LYPLA1: variants seen among roughly 807,000 people sequenced by gnomAD.
The protein encoded by LYPLA1 is lysophospholipase 1, also known as acyl-protein thioesterase 1.
Under a neutral mutation model 34.0 loss-of-function variants are expected in LYPLA1, and 17 were observed. The observed-to-expected ratio is 0.50, with a 90% CI of 0.34 to 0.75. The LOEUF (loss-of-function observed/expected upper bound fraction) is 0.75. LYPLA1 is among the 30% of genes least tolerant of loss of function. The pLI is 0.01. For missense variants in LYPLA1, 203 were observed against 288.8 expected (o/e 0.70, Z 2.15); for synonymous variants, 98 against 100.8 (o/e 0.97, Z 0.17).
At chr8:54,101,527 C>T in intron 1 of LYPLA1, 21 of 1,140,240 alleles carry the variant, frequency 1.8e-5, no homozygotes, top group Non-Finnish European at 2.3e-5. Context: ...CACACTTCCT[C>T]CGCAATGCAG....
At chr8:54,067,085 G>A (rs936148034) in intron 2 of LYPLA1, among the ~76,000 whole-genome samples, 5 of 151,810 alleles carry the variant, frequency 3.3e-5, no homozygotes, top group Non-Finnish European at 5.9e-5. Flanking sequence ...CAGGAGAATC[G>A]CTTGAACCAG....
At chr8:54,078,104 C>T (rs1808040089) in intron 2 of LYPLA1, among the ~76,000 whole-genome samples, 1 of 151,986 alleles carries the variant, frequency 6.6e-6, no homozygotes, top group Non-Finnish European at 1.5e-5. Context: ...GCGTGCACCA[C>T]CACGCCCTGC....
At chr8:54,061,350 G>C (rs1806621395) in intron 5 of LYPLA1, among the ~76,000 whole-genome samples, 1 of 152,146 alleles carries the variant, frequency 6.6e-6, no homozygotes, top group African/African-American at 2.4e-5. Context: ...CAAAGTGCTG[G>C]GATTAAAGGC....
chr8:54,087,951 T>A (rs1327606915), intron 2 of LYPLA1, among the ~76,000 whole-genome samples: 1 of 152,236 alleles, frequency 6.6e-6, no homozygotes, highest in Non-Finnish European at 1.5e-5. Flanking sequence ...TGGTTTCCAT[T>A]GGCTGGAACG....
intron 3 of LYPLA1, 79 bp from the exon 4 acceptor site, chr8:54,063,454 AAT>A: frequency 1.1e-6 from 1 of 881,866 alleles, no homozygotes; most frequent in Non-Finnish European, 1.8e-6. Flanking sequence ...AAAAACAGAT[AAT>A]TGCTTGAGAC....
At chr8:54,077,030 A>ACATG (rs1807959492) in intron 2 of LYPLA1, among the ~76,000 whole-genome samples, 1 of 152,172 alleles carries the variant, frequency 6.6e-6, no homozygotes, top group African/African-American at 2.4e-5. Flanking sequence ...CCATAAAGAC[A>ACATG]CATGCATACT....
chr8:54,044,726 G>A (rs1805439442), downstream of LYPLA1: 1 of 152,134 alleles, frequency 6.6e-6, no homozygotes, highest in Non-Finnish European at 1.5e-5. Flanking sequence ...TTGAGCCAAG[G>A]AGTTCGAGAC....
chr8:54,073,088 G>A (rs1450976099), intron 2 of LYPLA1: 14 of 620,688 alleles, frequency 2.3e-5, no homozygotes, highest in Admixed American at 2.3e-5. Context: ...AAAAAAGGTC[G>A]TTAAGGGTTG....
intron 2 of LYPLA1, chr8:54,100,496 C>G (rs1810037977): frequency 5.0e-6 from 1 of 199,568 alleles, no homozygotes; most frequent in Admixed American, 6.3e-5. Flanking sequence ...CATCTAATCC[C>G]TCTATTCAGA....
intron 2 of LYPLA1, among the ~76,000 whole-genome samples, chr8:54,082,883 C>G (rs1052348530): frequency 6.6e-6 from 1 of 152,120 alleles, no homozygotes; most frequent in Admixed American, 6.6e-5. Context: ...CCCGCCACTA[C>G]GCCTGGCTAA....
At chr8:54,098,658 G>A (rs1809873078) in intron 2 of LYPLA1, among the ~76,000 whole-genome samples, 1 of 152,208 alleles carries the variant, frequency 6.6e-6, no homozygotes. Context: ...TCCAGCCTGG[G>A]TGACAGAGTG....
At chr8:54,081,070 A>G (rs1301281241) in intron 2 of LYPLA1, among the ~76,000 whole-genome samples, 1 of 152,218 alleles carries the variant, frequency 6.6e-6, no homozygotes, top group Non-Finnish European at 1.5e-5. Context: ...CAACAGCTTT[A>G]AGGTATGGAC....
At chr8:54,066,820 T>G (rs1219350817) in intron 2 of LYPLA1, among the ~76,000 whole-genome samples, 1 of 150,326 alleles carries the variant, frequency 6.7e-6, no homozygotes, top group Non-Finnish European at 1.5e-5. Context: ...GAAAAAAGCC[T>G]CAGATAAATA....
chr8:54,065,726 C>A (rs1439554468), intron 3 of LYPLA1, 22 bp downstream of exon 3: 1 of 1,603,488 alleles, frequency 6.2e-7, no homozygotes, highest in Non-Finnish European at 8.5e-7. Flanking sequence ...GAATCACAAG[C>A]CTGAAGATCA....
At chr8:54,069,383 T>C (rs1194534997) in intron 2 of LYPLA1, among the ~76,000 whole-genome samples, 1 of 152,064 alleles carries the variant, frequency 6.6e-6, no homozygotes, top group African/African-American at 2.4e-5. Context: ...AACAATTATG[T>C]ATCAACTAAA....
In LYPLA1 at chr8:54,095,887, T is replaced by A. The variant is rs1586184399; in HGVS notation, c.101+5021A>T. Among the ~76,000 whole-genome samples the A allele has an allele frequency of 2.0e-5, 3 of 152,206 alleles. No individual in the cohort carries two copies. The South Asian group carries it at 6.2e-4, about 32-fold the overall frequency. On this transcript the variant is annotated intron_variant, in intron 2 of 8. Transcript: ENST00000316963. ...TACCCGGCCTGTATTCTTGACAAAG[T>A]GTCAAGGTCATGAAAGACAAGGACT...
chr8:54,076,031 G>A (rs1192258165), intron 2 of LYPLA1, among the ~76,000 whole-genome samples: 1 of 152,098 alleles, frequency 6.6e-6, no homozygotes, highest in Admixed American at 6.6e-5. Context: ...TGGTAGAAAT[G>A]ATAAGAAGTA....
At chr8:54,101,529 G>T in intron 1 of LYPLA1, 1 of 1,139,414 alleles carries the variant, frequency 8.8e-7, no homozygotes, top group Non-Finnish European at 1.1e-6. Flanking sequence ...CACTTCCTCC[G>T]CAATGCAGGG....
At chr8:54,091,496 A>C (rs1183818257) in intron 2 of LYPLA1, among the ~76,000 whole-genome samples, 1 of 151,540 alleles carries the variant, frequency 6.6e-6, no homozygotes, top group East Asian at 1.9e-4. Flanking sequence ...AAAAAAAGAA[A>C]AGAAAAGAAA....
Sources: allele counts gnomAD v4.1 joint callset (sites outside exome capture counted in the v4.1 genomes callset), GRCh38; gene constraint gnomAD v4.1.1; transcripts MANE v1.5; gene names NCBI Gene and HGNC (gene_info 2026-07-23, HGNC 2026-07-21).